ZNF423: variants seen among roughly 807,000 people sequenced by gnomAD.
ZNF423 encodes zinc finger protein 423.
In ZNF423, 12 loss-of-function variants were observed where a neutral mutation model predicts 95.8. The ratio of observed to expected loss-of-function variants is 0.13; its 90% CI spans 0.08 to 0.20. The LOEUF is 0.20. ZNF423 is among the 10% of genes least tolerant of loss of function. ZNF423 has a pLI of 1.00. For missense variants in ZNF423, 1,316 were observed against 1,737.1 expected (o/e 0.76, Z 4.31); for synonymous variants, 749 against 711.9 (o/e 1.05, Z -0.83).
chr16:49,855,556 C>A lies in ZNF423; in HGVS notation c.40+179G>T, dbSNP rs1393261889. 6.7e-6 allele frequency among the ~76,000 whole-genome samples: 1 copy of A among 149,208 alleles called. No individual in the cohort carries two copies. The highest frequency in any genetic ancestry group is 2.5e-5 in the African/African-American group (1 of 40,318). On this transcript the variant is annotated intron_variant, in intron 1 of 7. Coordinates refer to ENST00000563137, the MANE Select transcript of ZNF423 (RefSeq NM_001379286.1). The surrounding 1 kb of genome is among the most constrained non-coding windows in gnomAD (Gnocchi z 4.7). The stretch of plus-strand genomic sequence containing the variant: ...CGCCGCCTCCGCCTCCTGCTCCCGG[C>A]TTCCTCCTCCCCCTCCTCCGCCTCC...
At chr16:49,755,766 A>G (rs1033079964) in intron 2 of ZNF423, among the ~76,000 whole-genome samples, 1 of 152,224 alleles carries the variant, frequency 6.6e-6, no homozygotes, top group Non-Finnish European at 1.5e-5. Context: ...GTTTTCTCCT[A>G]TAACTCTGTT....
At chr16:49,787,452 C>T (rs140150503) in intron 2 of ZNF423, among the ~76,000 whole-genome samples, 191 of 152,292 alleles carry the variant, frequency 1.3e-3, no homozygotes, top group Non-Finnish European at 2.5e-3. Flanking sequence ...TGGCGAGCCA[C>T]GGCCATGGAG....
intron 3 of ZNF423, among the ~76,000 whole-genome samples, chr16:49,724,049 T>C (rs2032940004): frequency 6.6e-6 from 1 of 152,252 alleles, no homozygotes; most frequent in Non-Finnish European, 1.5e-5. Context: ...AAACAAATCT[T>C]ACCATTGCTT....
At chr16:49,496,632 C>T (rs1205444417) in intron 7 of ZNF423, among the ~76,000 whole-genome samples, 1 of 152,190 alleles carries the variant, frequency 6.6e-6, no homozygotes, top group Non-Finnish European at 1.5e-5. Flanking sequence ...TCAAGTATTT[C>T]TTTATAGCAA....
At chr16:49,551,609 C>A (rs774780659) in intron 5 of ZNF423, among the ~76,000 whole-genome samples, 14 of 152,312 alleles carry the variant, frequency 9.2e-5, no homozygotes, top group Non-Finnish European at 1.5e-4. Flanking sequence ...GGAGGTGGGT[C>A]AGACCTGCAC....
At chr16:49,709,901 C>G (rs181398521) in intron 3 of ZNF423, among the ~76,000 whole-genome samples, 1 of 152,126 alleles carries the variant, frequency 6.6e-6, no homozygotes, top group Non-Finnish European at 1.5e-5. Context: ...GTAAATCACA[C>G]AATCAGTCTC....
chr16:49,656,827 T>G (rs1205019385), intron 3 of ZNF423, among the ~76,000 whole-genome samples: 2 of 152,228 alleles, frequency 1.3e-5, no homozygotes, highest in South Asian at 4.1e-4. Flanking sequence ...CATTTTAATA[T>G]TCACAGCAAT....
At chr16:49,680,915 C>T (rs1202065827) in intron 3 of ZNF423, among the ~76,000 whole-genome samples, 2 of 152,018 alleles carry the variant, frequency 1.3e-5, no homozygotes, top group African/African-American at 4.8e-5. Context: ...GGTGAAGCAA[C>T]ACCCCAAGGA....
Position 49,638,557 on chromosome 16 carries a change from A to G in ZNF423, c.619T>C (p.Cys207Arg). ...TCGCTGCGGGAGAAGGCTGCCTCGC[A>G]CTCGTGGCAGTGATACTTCTTGTCG... ...TGDKKYHCHECEAAFSRSDHL... is the reference protein window; with the variant it reads ...TGDKKYHCHEREAAFSRSDHL... The change falls in exon 4 of 8, where the codon TGC (cysteine) becomes CGC (arginine). Residue 207 changes from cysteine (C) to arginine (R), a missense_variant. By Grantham distance (180) the Cys-to-Arg change is radical. Coordinates refer to ENST00000563137, the MANE Select transcript of ZNF423 (RefSeq NM_001379286.1). The surrounding 1 kb of genome is among the most constrained non-coding windows in gnomAD (Gnocchi z 5.6). The G allele has an allele frequency of 1.2e-6, 2 of 1,613,574 alleles. No homozygotes were observed. The highest frequency in any genetic ancestry group is 1.7e-6 in the Non-Finnish European group (2 of 1,179,990).
At chr16:49,704,570 C>A (rs1337410267) in intron 3 of ZNF423, among the ~76,000 whole-genome samples, 1 of 152,194 alleles carries the variant, frequency 6.6e-6, no homozygotes, top group Non-Finnish European at 1.5e-5. Flanking sequence ...CAGCATAGAG[C>A]CTGATAGAGA....
chr16:49,634,424 G>A (rs1016335284), intron 4 of ZNF423, among the ~76,000 whole-genome samples: 6 of 151,966 alleles, frequency 3.9e-5, no homozygotes, highest in Non-Finnish European at 7.4e-5. Context: ...CTTGGCTCCC[G>A]TGGGCCTGTG....
At chr16:49,583,670 G>A (rs868836652) in intron 5 of ZNF423, among the ~76,000 whole-genome samples, 66 of 152,248 alleles carry the variant, frequency 4.3e-4, no homozygotes, top group African/African-American at 1.6e-3. Context: ...ATTACCCAGG[G>A]AGAAAGGGTG....
chr16:49,552,968 G>A (rs1567462722), intron 5 of ZNF423, among the ~76,000 whole-genome samples: 1 of 152,104 alleles, frequency 6.6e-6, no homozygotes, highest in Non-Finnish European at 1.5e-5. Flanking sequence ...ACAAACAGGA[G>A]GCCCAGGGCA....
intron 5 of ZNF423, among the ~76,000 whole-genome samples, chr16:49,555,507 A>G (rs1347541068): frequency 6.6e-6 from 1 of 152,264 alleles, no homozygotes; most frequent in Non-Finnish European, 1.5e-5. Context: ...ACACGGGTTA[A>G]GTAGCTTTCC....
intron 5 of ZNF423, among the ~76,000 whole-genome samples, chr16:49,572,392 G>A (rs745790666): frequency 2.0e-5 from 3 of 152,054 alleles, no homozygotes; most frequent in South Asian, 2.1e-4. Flanking sequence ...GGTGTTTTCC[G>A]CAGGAGATGG....
intron 3 of ZNF423, among the ~76,000 whole-genome samples, chr16:49,712,678 T>C (rs2032580535): frequency 6.6e-6 from 1 of 152,264 alleles, no homozygotes; most frequent in African/African-American, 2.4e-5. Flanking sequence ...CACATCACCT[T>C]GCCCTGCACA....
At chr16:49,510,363 G>C (rs1329375608) in intron 7 of ZNF423, among the ~76,000 whole-genome samples, 1 of 152,170 alleles carries the variant, frequency 6.6e-6, no homozygotes, top group East Asian at 1.9e-4. Context: ...ATTTCTGGGG[G>C]GTGGACGTTG....
intron 3 of ZNF423, among the ~76,000 whole-genome samples, chr16:49,651,226 A>C (rs921299108): frequency 3.4e-5 from 5 of 147,064 alleles, no homozygotes; most frequent in African/African-American, 5.1e-5. Context: ...GGGTCTCTCT[A>C]TGTTGCACAG....
chr16:49,732,346 T>C (rs2033189336), intron 2 of ZNF423, among the ~76,000 whole-genome samples: 1 of 152,152 alleles, frequency 6.6e-6, no homozygotes, highest in Non-Finnish European at 1.5e-5. Context: ...ATATCAGTAA[T>C]CCTAATAAAT....
Sources: allele counts gnomAD v4.1 joint callset (sites outside exome capture counted in the v4.1 genomes callset), GRCh38; gene constraint gnomAD v4.1.1; non-coding constraint Gnocchi (gnomAD v3.1); transcripts MANE v1.5; gene names NCBI Gene and HGNC (gene_info 2026-07-23, HGNC 2026-07-21).